SH3RF3: variants seen among roughly 807,000 people sequenced by gnomAD.
SH3RF3 encodes the protein SH3 domain containing ring finger 3.
In SH3RF3, 29 loss-of-function variants were observed where a neutral mutation model predicts 66.3. The ratio of observed to expected loss-of-function variants is 0.44; its 90% CI spans 0.33 to 0.60. The LOEUF is 0.60. Among genes scored for constraint, SH3RF3 ranks in the 20% least tolerant of loss-of-function variants. The pLI is 0.04. For missense variants in SH3RF3, 1,194 were observed against 1,190.9 expected, an observed-to-expected ratio of 1.00 and a Z score of -0.04; for synonymous variants, 583 against 532.0, an observed-to-expected ratio of 1.10 and a Z score of -1.32.
intron 1 of SH3RF3, among the ~76,000 whole-genome samples, chr2:109,297,800 C>G (rs1045717508): frequency 6.6e-6 from 1 of 151,464 alleles, no homozygotes; most frequent in Non-Finnish European, 1.5e-5. Flanking sequence ...TAGGTCAGCT[C>G]TCCCCACTAG....
intron 1 of SH3RF3, among the ~76,000 whole-genome samples, chr2:109,324,879 C>T (rs1682111744): frequency 6.6e-6 from 1 of 152,220 alleles, no homozygotes; most frequent in African/African-American, 2.4e-5. Flanking sequence ...CACACTGTCT[C>T]CTGGAAGGAA....
In SH3RF3 at chr2:109,129,512, C is replaced by G; in HGVS notation, c.-29C>G. 2.0e-6 allele frequency: 3 copies of G among 1,494,966 alleles called. No homozygotes were observed. The highest frequency in any genetic ancestry group is 2.9e-5 in the African/African-American group (2 of 68,646). The allele number at this position is 1,494,966 out of a possible 1,614,324, so 92.6% of individuals were successfully genotyped here. ...ACGCCGGCCCCGGGACCTAGGCAGCCGCGCGAGACCGCTGCGGGCGCCTCC... is the reference window on the plus strand; with the variant it reads ...ACGCCGGCCCCGGGACCTAGGCAGCGGCGCGAGACCGCTGCGGGCGCCTCC... On this transcript the variant is annotated 5_prime_UTR_variant, in exon 1 of 10. Transcript: ENST00000309415.
chr2:109,408,851 C>G (rs903616695), intron 4 of SH3RF3, among the ~76,000 whole-genome samples: 1 of 152,194 alleles, frequency 6.6e-6, no homozygotes, highest in African/African-American at 2.4e-5. Context: ...CTGATGGGTG[C>G]GCACAGGGAG....
At chr2:109,439,311 G>T (rs567438958) in intron 7 of SH3RF3, among the ~76,000 whole-genome samples, 1 of 152,252 alleles carries the variant, frequency 6.6e-6, no homozygotes, top group South Asian at 2.1e-4. Context: ...CCCAGCACTT[G>T]TCCCCACGCT....
chr2:109,202,488 G>A (rs1048734286), intron 1 of SH3RF3, among the ~76,000 whole-genome samples: 6 of 152,158 alleles, frequency 3.9e-5, no homozygotes, highest in African/African-American at 1.4e-4. Context: ...CCTGGGGCGC[G>A]TTCTTGTTCC....
At chr2:109,400,753 G>A (rs1421397685) in intron 4 of SH3RF3, among the ~76,000 whole-genome samples, 1 of 152,208 alleles carries the variant, frequency 6.6e-6, no homozygotes, top group Non-Finnish European at 1.5e-5. Context: ...TGAGGCTGAG[G>A]TCTGGAATGG....
At chr2:109,402,433 C>T (rs72945308) in intron 4 of SH3RF3, among the ~76,000 whole-genome samples, 2,112 of 152,350 alleles carry the variant, frequency 0.014, 43 homozygotes, top group African/African-American at 0.048. Flanking sequence ...TTCAGCATTG[C>T]TGTGTCATGG....
chr2:109,373,671 T>C (rs1683322705), intron 3 of SH3RF3, among the ~76,000 whole-genome samples: 1 of 152,034 alleles, frequency 6.6e-6, no homozygotes, highest in Non-Finnish European at 1.5e-5. Flanking sequence ...GTAAGGAGGT[T>C]CTGGGCTGCA....
rs560548550 is a variant in SH3RF3 at position 109,437,602 on chromosome 2, G to A, written c.1828+456G>A. 1.2e-3 allele frequency among the ~76,000 whole-genome samples: 187 copies of A among 152,280 alleles called. 1 individual carries two copies. The highest frequency in any genetic ancestry group is 3.5e-3 in the African/African-American group (144 of 41,554). On this transcript the variant is annotated intron_variant, in intron 7 of 9. Coordinates refer to ENST00000309415, the MANE Select transcript of SH3RF3 (RefSeq NM_001099289.3). ...GCCCTGCAGGGCTTCCCAGCTAGGCGGCATCTCACAGGACAGGGCTGGGGT... is the reference window on the plus strand; with the variant it reads ...GCCCTGCAGGGCTTCCCAGCTAGGCAGCATCTCACAGGACAGGGCTGGGGT...
At chr2:109,255,244 T>G (rs1680195465) in intron 1 of SH3RF3, among the ~76,000 whole-genome samples, 1 of 152,148 alleles carries the variant, frequency 6.6e-6, no homozygotes, top group African/African-American at 2.4e-5. Flanking sequence ...TGCATCTAGG[T>G]TGGAAGTATC....
intron 1 of SH3RF3, among the ~76,000 whole-genome samples, chr2:109,238,857 C>G (rs895270029): frequency 1.3e-5 from 2 of 152,130 alleles, no homozygotes; most frequent in African/African-American, 4.8e-5. Context: ...GGGGCAGTCC[C>G]TTCTCTCTGT....
chr2:109,413,530 CTCTCTGTG>C (rs1193863300), intron 4 of SH3RF3, among the ~76,000 whole-genome samples: 1 of 152,190 alleles, frequency 6.6e-6, no homozygotes, highest in Non-Finnish European at 1.5e-5. Context: ...ACCTCTGTCT[CTCTCTGTG>C]TCTCTGTGTC....
chr2:109,153,842 G>A (rs756011198), intron 1 of SH3RF3, among the ~76,000 whole-genome samples: 23 of 152,212 alleles, frequency 1.5e-4, no homozygotes, highest in Non-Finnish European at 2.6e-4. Context: ...GCTTCCTGAG[G>A]GCTGACTCCT....
At chr2:109,145,737 C>A (rs1677081641) in intron 1 of SH3RF3, among the ~76,000 whole-genome samples, 1 of 152,190 alleles carries the variant, frequency 6.6e-6, no homozygotes, top group Admixed American at 6.5e-5. Context: ...TCCGTTGAGC[C>A]TCCCCACCCG....
intron 9 of SH3RF3, among the ~76,000 whole-genome samples, chr2:109,497,684 T>C (rs1353034965): frequency 6.6e-6 from 1 of 152,020 alleles, no homozygotes; most frequent in Non-Finnish European, 1.5e-5. Flanking sequence ...CAGCTCAGAG[T>C]CTTGGAATGA....
chr2:109,212,303 A>G (rs988334771), intron 1 of SH3RF3, among the ~76,000 whole-genome samples: 12 of 152,182 alleles, frequency 7.9e-5, no homozygotes, highest in African/African-American at 2.7e-4. Flanking sequence ...TTGGCTCGCT[A>G]TGGAGGAGGG....
At chr2:109,221,200 C>A (rs1188956851) in intron 1 of SH3RF3, among the ~76,000 whole-genome samples, 1 of 152,224 alleles carries the variant, frequency 6.6e-6, no homozygotes. Flanking sequence ...AGTCAGTCTT[C>A]CACATCCTAG....
At chr2:109,227,135 G>A (rs976635983) in intron 1 of SH3RF3, among the ~76,000 whole-genome samples, 1 of 152,116 alleles carries the variant, frequency 6.6e-6, no homozygotes, top group African/African-American at 2.4e-5. Flanking sequence ...GATTCACTCC[G>A]GCTGAGTGAA....
chr2:109,425,167 C>T (rs942124867), intron 5 of SH3RF3, among the ~76,000 whole-genome samples: 1 of 152,238 alleles, frequency 6.6e-6, no homozygotes, highest in African/African-American at 2.4e-5. Flanking sequence ...CCCTAACTCT[C>T]TTCAACTCCG....
Sources: allele counts gnomAD v4.1 joint callset (sites outside exome capture counted in the v4.1 genomes callset), GRCh38; gene constraint gnomAD v4.1.1; transcripts MANE v1.5; gene names NCBI Gene and HGNC (gene_info 2026-07-23, HGNC 2026-07-21).